FAM78B: variants seen among roughly 807,000 people sequenced by gnomAD.
FAM78B encodes the protein family with sequence similarity 78 member B, also known as protein FAM78B.
In FAM78B, 10 loss-of-function variants were observed where a neutral mutation model predicts 20.0. That is an observed-to-expected ratio of 0.50 (90% CI 0.31 to 0.85). The LOEUF is 0.85. FAM78B is among the 40% of genes least tolerant of loss of function. The pLI, the probability that FAM78B is intolerant of heterozygous loss-of-function variation, is 0.05. For missense variants in FAM78B, 283 were observed against 345.0 expected (o/e 0.82, Z 1.42); for synonymous variants, 135 against 132.8 (o/e 1.02, Z -0.12).
intron 1 of FAM78B, among the ~76,000 whole-genome samples, chr1:166,148,825 A>G (rs1169649564): frequency 6.6e-6 from 1 of 152,250 alleles, no homozygotes; most frequent in African/African-American, 2.4e-5. Flanking sequence ...GGTTCCTCAC[A>G]TAAGTGATAA....
chr1:166,116,556 C>A (rs1395528614), intron 1 of FAM78B, among the ~76,000 whole-genome samples: 1 of 152,128 alleles, frequency 6.6e-6, no homozygotes, highest in African/African-American at 2.4e-5. Context: ...ATCAAACAAC[C>A]CCCAACAACG....
Position 166,116,759 on chromosome 1 carries a change from G to A in FAM78B, c.264-45996C>T, listed in dbSNP as rs1209431101. On this transcript the variant is annotated intron_variant, in intron 1 of 1. Transcript: ENST00000354422. ...CTCTTCAGCTGAAAAATCCCCTTTC[G>A]ACTTATGGGAAAACACTGGCTGGGT... Among the ~76,000 whole-genome samples, 34 of 152,056 alleles carry A rather than the reference G, an allele frequency of 2.2e-4. 1 individual carries two copies. The highest frequency in any genetic ancestry group is 2.2e-3 in the Admixed American group (34 of 15,264).
chr1:166,070,868 G>C, intron 1 of FAM78B, 105 bp from the exon 2 acceptor site: 1 of 1,294,782 alleles, frequency 7.7e-7, no homozygotes, highest in Non-Finnish European at 1.0e-6. Flanking sequence ...TGGGCAAAAT[G>C]GGAAGTTCAC....
chr1:166,101,775 A>G (rs1480342551), intron 1 of FAM78B, among the ~76,000 whole-genome samples: 1 of 152,150 alleles, frequency 6.6e-6, no homozygotes, highest in Non-Finnish European at 1.5e-5. Flanking sequence ...ACCAAGTTGG[A>G]AAACACTCTG....
intron 1 of FAM78B, among the ~76,000 whole-genome samples, chr1:166,109,862 G>T (rs10918365): frequency 6.1e-5 from 1 of 16,278 alleles, no homozygotes; most frequent in African/African-American, 1.8e-4. Context: ...ATATATATAT[G>T]TATGTGTATA....
At chr1:166,116,933 C>T (rs1296983453) in intron 1 of FAM78B, among the ~76,000 whole-genome samples, 3 of 152,228 alleles carry the variant, frequency 2.0e-5, no homozygotes, top group Non-Finnish European at 2.9e-5. Flanking sequence ...CTAATGGCAG[C>T]GCCCTGCCAT....
Position 166,074,616 on chromosome 1 carries a change from A to G in FAM78B, c.264-3853T>C, listed in dbSNP as rs144710619. 3.8e-4 allele frequency among the ~76,000 whole-genome samples: 58 copies of G among 152,322 alleles called. 1 individual carries two copies. In the East Asian group the frequency reaches 3.9e-3, roughly 10 times the overall value. On this transcript the variant is annotated intron_variant, in intron 1 of 1. Coordinates refer to ENST00000354422, the MANE Select transcript of FAM78B (RefSeq NM_001017961.5). ...TGGAGCTTGGTAGAACTTGCATACG[A>G]CAAAGTGTTTTATTACAGTCTTATA...
intron 1 of FAM78B, among the ~76,000 whole-genome samples, chr1:166,163,501 T>C (rs916805904): frequency 2.2e-4 from 33 of 152,238 alleles, no homozygotes; most frequent in Admixed American, 1.3e-4. Context: ...TTTCAAAATA[T>C]TGAAAAGGCA....
chr1:166,134,901 A>G lies in FAM78B; in HGVS notation c.263+31085T>C, dbSNP rs1571194086. On this transcript the variant is annotated intron_variant, in intron 1 of 1. Coordinates refer to ENST00000354422, the MANE Select transcript of FAM78B (RefSeq NM_001017961.5). ...TGATTTTCACACATTTACTACCTAC[A>G]GCGTAAAGTACTGCTTCCTTTTATT... Among the ~76,000 whole-genome samples the G allele has an allele frequency of 3.3e-5, 5 of 152,364 alleles. No individual in the cohort carries two copies. In the East Asian group the frequency reaches 5.8e-4, roughly 18 times the overall value.
chr1:166,072,214 A>G (rs1274522101), intron 1 of FAM78B, among the ~76,000 whole-genome samples: 1 of 152,116 alleles, frequency 6.6e-6, no homozygotes, highest in East Asian at 1.9e-4. Context: ...TCACATGGGG[A>G]CATGGAGACA....
At chr1:166,153,516 C>G (rs1655769629) in intron 1 of FAM78B, among the ~76,000 whole-genome samples, 1 of 152,188 alleles carries the variant, frequency 6.6e-6, no homozygotes, top group African/African-American at 2.4e-5. Context: ...AGTTATAGGA[C>G]TTGGAACAGG....
At chr1:166,138,901 C>A (rs1315962550) in intron 1 of FAM78B, among the ~76,000 whole-genome samples, 1 of 152,176 alleles carries the variant, frequency 6.6e-6, no homozygotes, top group Non-Finnish European at 1.5e-5. Flanking sequence ...TTATTTATAA[C>A]CTGTGGGGCC....
intron 1 of FAM78B, among the ~76,000 whole-genome samples, chr1:166,076,463 T>A (rs956304911): frequency 6.6e-6 from 1 of 152,150 alleles, no homozygotes; most frequent in Non-Finnish European, 1.5e-5. Flanking sequence ...AAATACCACG[T>A]TCTCACTGCA....
Position 166,109,840 on chromosome 1 carries a change from GTA to G in FAM78B, c.264-39079_264-39078del, listed in dbSNP as rs1300124049. Among the ~76,000 whole-genome samples the G allele has an allele frequency of 4.2e-3, 108 of 25,920 alleles. 11 individuals carry two copies. The highest frequency in any genetic ancestry group is 0.011 in the African/African-American group (104 of 9,146). 17.0% of individuals were successfully genotyped at this position (25,920 alleles called of 152,430 possible). A position where few individuals can be genotyped will look rare whatever the true frequency, so the allele number is the denominator to read the frequency against. ...TATATATATATATATATGTATATAT[GTA>G]TATATATATATATATATATGTATGT... On this transcript the variant is annotated intron_variant, in intron 1 of 1. Transcript: ENST00000354422.
At chr1:166,070,784 C>A in intron 1 of FAM78B, 21 bp from the exon 2 acceptor site, 1 of 1,520,632 alleles carries the variant, frequency 6.6e-7, no homozygotes. Context: ...AGAAGACATG[C>A]ACAAGAAAAG....
chr1:166,150,034 T>C (rs1360632736), intron 1 of FAM78B, among the ~76,000 whole-genome samples: 1 of 152,174 alleles, frequency 6.6e-6, no homozygotes, highest in Non-Finnish European at 1.5e-5. Flanking sequence ...AGGGAACAGG[T>C]GCAGAGAAAC....
intron 1 of FAM78B, among the ~76,000 whole-genome samples, chr1:166,083,551 CT>C (rs927694351): frequency 6.6e-6 from 1 of 152,222 alleles, no homozygotes; most frequent in African/African-American, 2.4e-5. Context: ...GTCACCCAGG[CT>C]GGAGTGCGGT....
chr1:166,163,159 C>T (rs910269033), intron 1 of FAM78B, among the ~76,000 whole-genome samples: 2 of 152,202 alleles, frequency 1.3e-5, no homozygotes, highest in African/African-American at 4.8e-5. Flanking sequence ...GAGTCAGGAG[C>T]CCTTCCTCCC....
rs1364752738 is a variant in FAM78B, at chr1:166,142,712, T to C, written c.263+23274A>G. On this transcript the variant is annotated intron_variant, in intron 1 of 1. Coordinates refer to ENST00000354422, the MANE Select transcript of FAM78B (RefSeq NM_001017961.5). ...TCTAAGTCTCTTACCCTTACCACTG[T>C]AGCACATAAAAGGCCCTCTAGGCAC... 3.3e-5 allele frequency among the ~76,000 whole-genome samples: 5 copies of C among 152,206 alleles called. No individual in the cohort carries two copies. The East Asian group carries it at 7.7e-4, about 23-fold the overall frequency.
Sources: gnomAD v4.1 joint callset for allele counts (sites outside exome capture counted in the v4.1 genomes callset) on GRCh38, gnomAD v4.1.1 for gene constraint, MANE v1.5 for transcripts, NCBI Gene and HGNC (gene_info 2026-07-23, HGNC 2026-07-21) for gene names.